RFC3: variants seen among roughly 807,000 people sequenced by gnomAD.
RFC3 encodes replication factor C subunit 3.
A neutral mutation model predicts 45.1 loss-of-function variants in RFC3; 41 were observed. The ratio of observed to expected loss-of-function variants is 0.91; its 90% CI spans 0.71 to 1.18. RFC3 has a LOEUF of 1.18. RFC3 is among the 50% of genes most tolerant of loss of function. The pLI is 0.00. For synonymous variants in RFC3, 149 were observed against 144.0 expected (o/e 1.03, Z -0.25); for missense variants, 423 against 428.1 (o/e 0.99, Z 0.10).
chr13:33,927,651 G>T (rs187059757), intron 8 of RFC3, among the ~76,000 whole-genome samples: 1 of 152,174 alleles, frequency 6.6e-6, no homozygotes, highest in East Asian at 1.9e-4. Context: ...CATGGCCCTG[G>T]CTCCATTTTG....
intron 3 of RFC3, among the ~76,000 whole-genome samples, chr13:33,824,257 A>C (rs1271920427): frequency 6.6e-6 from 1 of 152,076 alleles, no homozygotes; most frequent in African/African-American, 2.4e-5. Flanking sequence ...ATTGTCAGTA[A>C]ATTTTTGTTA....
intron 2 of RFC3, among the ~76,000 whole-genome samples, chr13:33,823,269 C>T (rs1245274743): frequency 1.3e-5 from 2 of 152,114 alleles, no homozygotes; most frequent in African/African-American, 2.4e-5. Flanking sequence ...AGTTAGAAAA[C>T]ACATTCCCTT....
intron 8 of RFC3, 134 bp from the exon 9 acceptor site, chr13:33,835,970 T>G: frequency 2.1e-6 from 2 of 969,032 alleles, no homozygotes; most frequent in Non-Finnish European, 2.9e-6. Context: ...GGTCGTTGAT[T>G]CACATAAAAA....
At chr13:33,954,766 A>G (rs532700858) in intron 8 of RFC3, among the ~76,000 whole-genome samples, 1 of 152,176 alleles carries the variant, frequency 6.6e-6, no homozygotes, top group African/African-American at 2.4e-5. Context: ...TAAAATCACT[A>G]ATCTCCTCAC....
At chr13:33,849,917 T>C (rs572835996) in intron 8 of RFC3, 2 of 152,090 alleles carry the variant, frequency 1.3e-5, no homozygotes, top group Non-Finnish European at 2.9e-5. Flanking sequence ...ATTAGAGTTA[T>C]GATGTGTTCA....
At chr13:33,931,520 A>T (rs1306206917) in intron 8 of RFC3, among the ~76,000 whole-genome samples, 1 of 151,874 alleles carries the variant, frequency 6.6e-6, no homozygotes, top group East Asian at 1.9e-4. Context: ...ATATCATGAG[A>T]TGTGTAAATT....
At chr13:33,863,531 C>A (rs761337581) in intron 8 of RFC3, among the ~76,000 whole-genome samples, 14 of 152,212 alleles carry the variant, frequency 9.2e-5, no homozygotes, top group Non-Finnish European at 4.4e-5. Flanking sequence ...GAGCCATTCT[C>A]ATTCCCATCA....
intron 8 of RFC3, among the ~76,000 whole-genome samples, chr13:33,858,920 T>A (rs936104564): frequency 9.9e-5 from 15 of 152,196 alleles, no homozygotes; most frequent in African/African-American, 3.6e-4. Context: ...TCGCAGTCCC[T>A]GAATTTGAAA....
At chr13:33,957,892 T>G (rs2083031742) in intron 8 of RFC3, among the ~76,000 whole-genome samples, 1 of 152,156 alleles carries the variant, frequency 6.6e-6, no homozygotes, top group Non-Finnish European at 1.5e-5. Flanking sequence ...TACAGGTTGT[T>G]CCTGAACTTT....
At chr13:33,822,673 C>CT (rs2082014323) in intron 2 of RFC3, among the ~76,000 whole-genome samples, 2 of 152,024 alleles carry the variant, frequency 1.3e-5, no homozygotes, top group Admixed American at 6.6e-5. Flanking sequence ...CCAGAGAAAA[C>CT]GAAGTTGAGT....
At chr13:33,885,142 GA>G (rs2082511992) in intron 8 of RFC3, among the ~76,000 whole-genome samples, 1 of 152,262 alleles carries the variant, frequency 6.6e-6, no homozygotes, top group African/African-American at 2.4e-5. Flanking sequence ...TAGTCAGTTT[GA>G]AACATGGCAG....
intron 8 of RFC3, among the ~76,000 whole-genome samples, chr13:33,877,369 G>T (rs539792615): frequency 8.6e-4 from 131 of 152,314 alleles, no homozygotes; most frequent in African/African-American, 2.6e-3. Context: ...CCTATGGAGA[G>T]AATCTCATTA....
At chr13:33,947,219 G>A (rs1485392021) in intron 8 of RFC3, among the ~76,000 whole-genome samples, 1 of 152,148 alleles carries the variant, frequency 6.6e-6, no homozygotes, top group East Asian at 1.9e-4. Flanking sequence ...GACCATGGGG[G>A]TGATTTCCCC....
At chr13:33,885,343 A>G (rs566911248) in intron 8 of RFC3, among the ~76,000 whole-genome samples, 8 of 152,180 alleles carry the variant, frequency 5.3e-5, no homozygotes, top group Non-Finnish European at 1.0e-4. Context: ...CTTTAAAAAA[A>G]AAAACTGCGT....
intron 8 of RFC3, among the ~76,000 whole-genome samples, chr13:33,894,860 C>A (rs1002757589): frequency 3.9e-5 from 6 of 152,056 alleles, no homozygotes; most frequent in Non-Finnish European, 7.4e-5. Flanking sequence ...CAAATACTTA[C>A]AACCAACTGA....
intron 7 of RFC3, among the ~76,000 whole-genome samples, chr13:33,834,328 ATATC>A (rs1255420848): frequency 1.2e-4 from 14 of 114,224 alleles, no homozygotes; most frequent in Non-Finnish European, 2.4e-4. Context: ...ATATATATAT[ATATC>A]TGTACTGTAA....
chr13:33,887,448 T>A (rs1440722032), intron 8 of RFC3, among the ~76,000 whole-genome samples: 1 of 152,190 alleles, frequency 6.6e-6, no homozygotes, highest in Admixed American at 6.5e-5. Context: ...GAGAAGTGTC[T>A]GTTCATGTCC....
chr13:33,861,750 G>A (rs2082342537), intron 8 of RFC3, among the ~76,000 whole-genome samples: 1 of 151,788 alleles, frequency 6.6e-6, no homozygotes, highest in African/African-American at 2.4e-5. Flanking sequence ...GTGAGAACAC[G>A]CACACCTCTA....
At chr13:33,941,333 T>G (rs567575180) in intron 8 of RFC3, among the ~76,000 whole-genome samples, 230 of 152,238 alleles carry the variant, frequency 1.5e-3, no homozygotes, top group African/African-American at 5.0e-3. Context: ...AGAACCTGGT[T>G]TTTTCTACAA....
Sources: gnomAD v4.1 joint callset for allele counts (sites outside exome capture counted in the v4.1 genomes callset) on GRCh38, gnomAD v4.1.1 for gene constraint, MANE v1.5 for transcripts, NCBI Gene and HGNC (gene_info 2026-07-23, HGNC 2026-07-21) for gene names.